RRBP1: variants seen among roughly 807,000 people sequenced by gnomAD.
RRBP1 encodes ribosome-binding protein 1.
Under a neutral mutation model 165.2 loss-of-function variants are expected in RRBP1, and 94 were observed. The observed-to-expected ratio is 0.57, with a 90% CI of 0.48 to 0.68. The LOEUF is 0.68. Ranked by LOEUF, RRBP1 falls within the 30% of genes least tolerant of loss-of-function variation. The probability of loss-of-function intolerance (pLI) is 0.00; values close to 1 mark genes in which losing one functional copy is unlikely to be tolerated. For missense variants in RRBP1, 1,676 were observed against 1,763.0 expected (o/e 0.95, Z 0.88); for synonymous variants, 680 against 714.5 (o/e 0.95, Z 0.77).
At chr20:17,668,240 C>T (rs1277605575) in intron 2 of RRBP1, among the ~76,000 whole-genome samples, 3 of 152,194 alleles carry the variant, frequency 2.0e-5, no homozygotes, top group African/African-American at 7.2e-5. Flanking sequence ...AGACCTCAAT[C>T]TCTTTGTGCT....
At chr20:17,636,516 C>T in intron 6 of RRBP1, 61 bp downstream of exon 6, 1 of 1,578,528 alleles carries the variant, frequency 6.3e-7, no homozygotes, top group Non-Finnish European at 8.6e-7. Context: ...CTGGCTCCCT[C>T]CGTCCTGGAC....
chr20:17,636,436 C>T, intron 6 of RRBP1, 141 bp downstream of exon 6: 1 of 999,104 alleles, frequency 1.0e-6, no homozygotes, highest in Non-Finnish European at 1.5e-6. Context: ...GACTCCTAAA[C>T]CTGACCAGAC....
chr20:17,623,618 C>T (rs2035956717), intron 13 of RRBP1, among the ~76,000 whole-genome samples: 1 of 152,206 alleles, frequency 6.6e-6, no homozygotes, highest in Admixed American at 6.5e-5. Context: ...CAAACAATGT[C>T]CTCCCCTCTG....
intron 24 of RRBP1, 133 bp from the exon 25 acceptor site, chr20:17,614,353 G>A (rs939912435): frequency 7.3e-6 from 6 of 826,430 alleles, no homozygotes; most frequent in East Asian, 2.6e-5. Flanking sequence ...CAGAGAACAG[G>A]AGCCACAGAC....
intron 8 of RRBP1, among the ~76,000 whole-genome samples, chr20:17,632,982 G>A (rs2036181011): frequency 6.6e-6 from 1 of 152,208 alleles, no homozygotes; most frequent in Non-Finnish European, 1.5e-5. Context: ...CACAGCCTGT[G>A]GGCTCAGCTG....
chr20:17,671,839 T>C (rs2036984898), intron 2 of RRBP1, among the ~76,000 whole-genome samples: 1 of 152,208 alleles, frequency 6.6e-6, no homozygotes, highest in South Asian at 2.1e-4. Flanking sequence ...GAAGGTATTT[T>C]TAATGTCATT....
At chr20:17,666,487 T>C (rs188870216) in intron 2 of RRBP1, among the ~76,000 whole-genome samples, 2 of 152,366 alleles carry the variant, frequency 1.3e-5, no homozygotes, top group East Asian at 3.9e-4. Context: ...ACCAGCAAAG[T>C]AATTCATTTC....
At chr20:17,641,567 C>T in intron 5 of RRBP1, 1 of 585,584 alleles carries the variant, frequency 1.7e-6, no homozygotes, top group Non-Finnish European at 3.1e-6. Context: ...GTTCTTACAG[C>T]CACGAAGGAA....
At chr20:17,619,515 A>G in intron 19 of RRBP1, 118 bp downstream of exon 19, 1 of 654,106 alleles carries the variant, frequency 1.5e-6, no homozygotes, top group South Asian at 2.2e-5. Flanking sequence ...ACGCCTGAGG[A>G]CTCGGACTTC....
chr20:17,641,762 A>G, intron 5 of RRBP1, 35 bp downstream of exon 5: 1 of 1,609,002 alleles, frequency 6.2e-7, no homozygotes, highest in Non-Finnish European at 8.5e-7. Context: ...AGGACGGGAG[A>G]GGACAAACCA....
intron 1 of RRBP1, among the ~76,000 whole-genome samples, chr20:17,681,563 G>A (rs1164485861): frequency 5.1e-5 from 2 of 39,558 alleles, no homozygotes; most frequent in East Asian, 6.1e-4. Context: ...CCACCCCTCC[G>A]GCCCGGACTC....
intron 5 of RRBP1, 88 bp from the exon 6 acceptor site, chr20:17,636,817 G>A: frequency 6.5e-7 from 1 of 1,527,390 alleles, no homozygotes; most frequent in Non-Finnish European, 8.9e-7. Context: ...CCCGAGCTGG[G>A]AGGCTGGAGA....
At chr20:17,671,455 G>A (rs2036977894) in intron 2 of RRBP1, among the ~76,000 whole-genome samples, 1 of 152,214 alleles carries the variant, frequency 6.6e-6, no homozygotes, top group Admixed American at 6.5e-5. Context: ...CACTAGGTGT[G>A]CAGGTCCACT....
intron 9 of RRBP1, 73 bp downstream of exon 9, chr20:17,629,750 G>A (rs1027170245): frequency 1.4e-6 from 2 of 1,467,132 alleles, no homozygotes; most frequent in African/African-American, 1.4e-5. Flanking sequence ...TCTGGCACTG[G>A]CAGTGGGGCT....
At chr20:17,648,170 G>A (rs1420834644) in intron 3 of RRBP1, among the ~76,000 whole-genome samples, 19 of 152,202 alleles carry the variant, frequency 1.2e-4, no homozygotes. Context: ...GAGGTGGGAC[G>A]CAAGACGCTC....
In RRBP1 at chr20:17,618,587, G is replaced by A; in HGVS notation, c.3759+9C>T. On this transcript the variant is annotated intron_variant, in intron 20 of 24. Transcript: ENST00000377813. The stretch of plus-strand genomic sequence containing the variant: ...ACACTCCTGGCATGGGGACATGGAG[G>A]CCACCTACCAGGGCAAGCTCATCGC... The A allele has an allele frequency of 6.2e-7, 1 of 1,611,352 alleles. No individual in the cohort carries two copies. The highest frequency in any genetic ancestry group is 2.2e-5 in the East Asian group (1 of 44,868).
chr20:17,650,188 T>C (rs1225906286), intron 3 of RRBP1, among the ~76,000 whole-genome samples: 2 of 151,744 alleles, frequency 1.3e-5, no homozygotes, highest in Non-Finnish European at 1.5e-5. Flanking sequence ...ATAGAAAAAC[T>C]GGAAAATGCA....
rs746153679 is a variant in RRBP1 at position 17,660,049 on chromosome 20, G to A, written c.459C>T (p.Val153=). ...EKKVAKVEPA[V]SSVVNSIQVL... ...CCTGGATGGAATTCACTACAGAGCT[G>A]ACAGCTGGTTCCACTTTTGCCACTT... The change falls in exon 3 of 25, where the codon GTC becomes GTT. Residue 153 remains valine, a synonymous_variant. Coordinates refer to ENST00000377813, the MANE Select transcript of RRBP1 (RefSeq NM_001365613.2). 7.4e-6 allele frequency: 12 copies of A among 1,613,710 alleles called. No homozygotes were observed. The highest frequency in any genetic ancestry group is 1.0e-5 in the Non-Finnish European group (12 of 1,179,830).
rs767493165 is a variant in RRBP1, at chr20:17,658,960, C to T, written c.1548G>A (p.Gln516=). Residue 516 remains glutamine (Q), a synonymous_variant, in exon 3 of 25, where the codon CAG becomes CAA. Coordinates refer to ENST00000377813, the MANE Select transcript of RRBP1 (RefSeq NM_001365613.2). ...QNQGQKGEGA[Q]NQGKKTEGAQ... is the part of the protein sequence containing the mutation. ...CCCCTTCTGTCTTTTTACCCTGATT[C>T]TGGGCTCCCTCTCCTTTTTGGCCCT... The T allele has an allele frequency of 4.5e-4, 718 of 1,612,594 alleles. No homozygotes were observed. Among genetic ancestry groups the T allele is most frequent in the Non-Finnish European group, 5.6e-4 (662 of 1,179,808 alleles).
Sources: gnomAD v4.1 joint callset for allele counts (sites outside exome capture counted in the v4.1 genomes callset) on GRCh38, gnomAD v4.1.1 for gene constraint, MANE v1.5 for transcripts, NCBI Gene and HGNC (gene_info 2026-07-23, HGNC 2026-07-21) for gene names.